The following DOCK3 variants were observed in gnomAD, a reference collection of about 807,000 sequenced individuals.
The protein encoded by DOCK3 is dedicator of cytokinesis protein 3.
DOCK3 carries 60 observed loss-of-function variants against 265.6 expected under a neutral mutation model. The observed-to-expected ratio is 0.23, with a 90% CI of 0.18 to 0.28. DOCK3 has a LOEUF of 0.28. Ranked by LOEUF, DOCK3 falls within the 10% of genes least tolerant of loss-of-function variation. The pLI is 1.00. For missense variants in DOCK3, 1,981 were observed against 2,594.3 expected, an observed-to-expected ratio of 0.76 and a Z score of 5.14; for synonymous variants, 881 against 938.0, an observed-to-expected ratio of 0.94 and a Z score of 1.11.
intron 9 of DOCK3, among the ~76,000 whole-genome samples, chr3:51,139,066 C>T (rs1200772156): frequency 6.6e-6 from 1 of 152,150 alleles, no homozygotes; most frequent in East Asian, 1.9e-4. Context: ...AATGGATAAT[C>T]TGCCATCATC....
chr3:51,208,943 AT>A, intron 13 of DOCK3, 81 bp downstream of exon 13: 2 of 1,230,406 alleles, frequency 1.6e-6, no homozygotes, highest in Non-Finnish European at 2.3e-6. Context: ...GTTGGTGCAG[AT>A]TGGCTGCTGT....
At chr3:50,831,367 A>G (rs2045156037) in intron 2 of DOCK3, among the ~76,000 whole-genome samples, 1 of 151,958 alleles carries the variant, frequency 6.6e-6, no homozygotes, top group Admixed American at 6.6e-5. Context: ...TCCTAATGCT[A>G]TCCCTTCCCT....
At chr3:50,732,873 A>G (rs2038310772) in intron 1 of DOCK3, among the ~76,000 whole-genome samples, 1 of 152,224 alleles carries the variant, frequency 6.6e-6, no homozygotes, top group South Asian at 2.1e-4. Flanking sequence ...ACTTTGCTGA[A>G]ATATTAAAGA....
intron 1 of DOCK3, among the ~76,000 whole-genome samples, chr3:50,713,199 G>T (rs898463730): frequency 6.6e-6 from 1 of 152,194 alleles, no homozygotes; most frequent in African/African-American, 2.4e-5. Context: ...AAAGGATCTG[G>T]AAATGGGTTA....
intron 32 of DOCK3, among the ~76,000 whole-genome samples, chr3:51,329,166 G>C (rs1011610702): frequency 1.6e-4 from 25 of 151,982 alleles, no homozygotes; most frequent in African/African-American, 5.8e-4. Context: ...ATAAATAAAG[G>C]TTAATAAAAG....
intron 49 of DOCK3, among the ~76,000 whole-genome samples, chr3:51,367,620 G>A (rs2087313150): frequency 6.6e-6 from 1 of 152,186 alleles, no homozygotes; most frequent in African/African-American, 2.4e-5. Flanking sequence ...TTTTTGCAGT[G>A]GCTGGTACCG....
intron 4 of DOCK3, among the ~76,000 whole-genome samples, chr3:50,891,298 T>A (rs1308204008): frequency 6.6e-6 from 1 of 152,110 alleles, no homozygotes; most frequent in Non-Finnish European, 1.5e-5. Flanking sequence ...TATTATTAAT[T>A]GTCTTGTATG....
intron 4 of DOCK3, among the ~76,000 whole-genome samples, chr3:50,929,227 C>G (rs901613533): frequency 5.9e-5 from 9 of 152,178 alleles, no homozygotes; most frequent in Non-Finnish European, 1.0e-4. Context: ...TGCCTCTGAG[C>G]ATATCTGTCT....
intron 2 of DOCK3, among the ~76,000 whole-genome samples, chr3:50,790,071 T>C (rs570112757): frequency 6.6e-6 from 1 of 152,348 alleles, no homozygotes; most frequent in South Asian, 2.1e-4. Flanking sequence ...TCTTTGTGTT[T>C]TTTTAACTGC....
intron 3 of DOCK3, among the ~76,000 whole-genome samples, chr3:50,855,287 T>C (rs963632415): frequency 1.1e-4 from 16 of 152,234 alleles, no homozygotes; most frequent in African/African-American, 3.1e-4. Context: ...GTTTGTGTCA[T>C]CTATGATTAC....
In DOCK3 at chr3:51,269,094, ACT is replaced by A. The variant is rs113113347; in HGVS notation, c.2356-1701_2356-1700del. Among the ~76,000 whole-genome samples, 633 of 141,178 alleles carry A rather than the reference ACT, an allele frequency of 4.5e-3. 4 individuals are homozygous for A. Among genetic ancestry groups the A allele is most frequent in the Non-Finnish European group, 7.4e-3 (481 of 65,184 alleles). The allele number at this position is 141,178 out of a possible 152,430, so 92.6% of individuals were successfully genotyped here. A position where few individuals can be genotyped will look rare whatever the true frequency, so the allele number is the denominator to read the frequency against. ...AGGCTCATGTTTCCTGAGTTTCACA[ACT>A]CTCTCTCTCTCTCTCTCTCACTGTC... On this transcript the variant is annotated intron_variant, in intron 23 of 52. Coordinates refer to ENST00000266037, the MANE Select transcript of DOCK3 (RefSeq NM_004947.5).
chr3:50,740,197 GTTC>G (rs1193610747), intron 1 of DOCK3, among the ~76,000 whole-genome samples: 1 of 152,098 alleles, frequency 6.6e-6, no homozygotes, highest in East Asian at 1.9e-4. Context: ...TGTATCAATA[GTTC>G]TTTTCTTTAT....
rs9989974 is a variant in DOCK3, at chr3:50,728,715, T to G, written c.38-49960T>G. On this transcript the variant is annotated intron_variant, in intron 1 of 52. Coordinates refer to ENST00000266037, the MANE Select transcript of DOCK3 (RefSeq NM_004947.5). The stretch of plus-strand genomic sequence containing the variant: ...AACAGAAAACCAGAGTGATACTATA[T>G]TAAATAAATAGAATTTTTTTTTTTT... Among the ~76,000 whole-genome samples, 523 of 112,114 alleles carry G rather than the reference T, an allele frequency of 4.7e-3. 4 individuals carry two copies. Among genetic ancestry groups the G allele is most frequent in the African/African-American group, 0.018 (504 of 27,568 alleles). 73.6% of individuals were successfully genotyped at this position (112,114 alleles called of 152,430 possible). A position where few individuals can be genotyped will look rare whatever the true frequency, so the allele number is the denominator to read the frequency against.
At chr3:51,205,907 C>CT (rs2089180418) in intron 12 of DOCK3, among the ~76,000 whole-genome samples, 1 of 152,172 alleles carries the variant, frequency 6.6e-6, no homozygotes, top group Non-Finnish European at 1.5e-5. Flanking sequence ...AGAGTTCAGT[C>CT]TTGGCAATCT....
chr3:51,030,871 A>G (rs2080018438), intron 5 of DOCK3, among the ~76,000 whole-genome samples: 1 of 152,200 alleles, frequency 6.6e-6, no homozygotes, highest in Non-Finnish European at 1.5e-5. Context: ...CTGGCTTCTT[A>G]GCCTTTCTTG....
chr3:50,793,759 G>A (rs775806127), intron 2 of DOCK3, among the ~76,000 whole-genome samples: 1 of 151,794 alleles, frequency 6.6e-6, no homozygotes, highest in Non-Finnish European at 1.5e-5. Context: ...TCTGATTTAG[G>A]TTATTTCTTG....
intron 6 of DOCK3, among the ~76,000 whole-genome samples, chr3:51,066,249 C>G (rs1158983122): frequency 1.3e-5 from 2 of 152,026 alleles, no homozygotes; most frequent in Non-Finnish European, 2.9e-5. Flanking sequence ...GAAAATTTGT[C>G]AGAGCCAAAA....
At chr3:51,010,174 G>C (rs1167007404) in intron 5 of DOCK3, among the ~76,000 whole-genome samples, 1 of 152,150 alleles carries the variant, frequency 6.6e-6, no homozygotes, top group East Asian at 1.9e-4. Context: ...GGATATCCTT[G>C]TTAATTTTCT....
At chr3:51,313,683 C>T (rs751415153) in intron 31 of DOCK3, among the ~76,000 whole-genome samples, 2 of 152,160 alleles carry the variant, frequency 1.3e-5, no homozygotes, top group Non-Finnish European at 2.9e-5. Context: ...GTCATAAAAT[C>T]TCCAGTCCTC....
Sources: allele counts gnomAD v4.1 joint callset (sites outside exome capture counted in the v4.1 genomes callset), GRCh38; gene constraint gnomAD v4.1.1; transcripts MANE v1.5; gene names NCBI Gene and HGNC (gene_info 2026-07-23, HGNC 2026-07-21).